MXRA5: variants seen among roughly 807,000 people sequenced by gnomAD.
The protein encoded by MXRA5 is matrix-remodeling-associated protein 5.
Under a neutral mutation model 112.5 loss-of-function variants are expected in MXRA5, and 41 were observed. That is an observed-to-expected ratio of 0.36 (90% CI 0.28 to 0.47). The LOEUF (loss-of-function observed/expected upper bound fraction) is 0.47, where lower values mean the gene tolerates loss of function less well. Among genes scored for constraint, MXRA5 ranks in the 20% least tolerant of loss-of-function variants. The pLI is 0.99. For synonymous variants in MXRA5, 862 were observed against 900.8 expected (o/e 0.96, Z 0.77); for missense variants, 2,150 against 2,251.0 (o/e 0.96, Z 0.91).
chrX:3,339,763 C>T (rs774627324), intron 2 of MXRA5, among the ~76,000 whole-genome samples: 1 of 111,903 alleles, frequency 8.9e-6, no homozygotes, highest in South Asian at 3.7e-4. Context: ...GAAATTAGCA[C>T]GACACTCAGG....
rs375216440 is a variant in MXRA5 at position 3,320,211 on chromosome X, G to A, written c.5474C>T (p.Ser1825Phe). ...GCTGCTCTGGTGGAAGCTTCCTGAG[G>A]ACTGGACAGAAGATGTTATAAAGGA... ...SISFITSSVQ[S>F]SGSFHQSSSK... The change falls in exon 5 of 7, where the codon TCC (serine) becomes TTC (phenylalanine). Residue 1825 changes from serine to phenylalanine, a missense_variant. Around this residue, in one of 6 missense-constraint regions of MXRA5, gnomAD observed 1,485 missense variants for 1,471.6 expected, o/e 1.01. Transcript: ENST00000217939. 178 of 1,209,091 alleles carry A rather than the reference G, an allele frequency of 1.5e-4. 1 individual carries two copies. Among genetic ancestry groups the A allele is most frequent in the Non-Finnish European group, 2.0e-4 (175 of 894,995 alleles).
chrX:3,332,207 A>G (rs1921679084), intron 2 of MXRA5, among the ~76,000 whole-genome samples: 1 of 111,752 alleles, frequency 8.9e-6, no homozygotes, highest in Admixed American at 9.4e-5. Context: ...CCTTGATTGC[A>G]TCAAACTTTT....
Position 3,317,741 on chromosome X carries a change from G to A in MXRA5, c.5940C>T (p.Pro1980=), listed in dbSNP as rs372831833. 2.5e-6 allele frequency: 3 copies of A among 1,205,635 alleles called. No individual in the cohort carries two copies. The African/African-American group carries it at 5.3e-5, about 21-fold the overall frequency. ...MECLAKGTPA[P]QISWIFPDRR... The stretch of plus-strand genomic sequence containing the variant: ...TGTCAGGGAAGATCCAGGAAATTTG[G>A]GGGGCTGGGGTCCCTTTGGCCAGAC... Residue 1980 remains proline, a synonymous_variant, in exon 6 of 7, where the codon CCC becomes CCT. Coordinates refer to ENST00000217939, the MANE Select transcript of MXRA5 (RefSeq NM_015419.4).
At chrX:3,338,859 A>T (rs1404552943) in intron 2 of MXRA5, among the ~76,000 whole-genome samples, 3 of 110,456 alleles carry the variant, frequency 2.7e-5, no homozygotes, top group Non-Finnish European at 5.7e-5. Flanking sequence ...AGGTAGATAG[A>T]TATAGACAGG....
chrX:3,340,895 T>G (rs1569188208), intron 2 of MXRA5, among the ~76,000 whole-genome samples: 1 of 97,075 alleles, frequency 1.0e-5, no homozygotes, highest in Non-Finnish European at 2.0e-5. Flanking sequence ...TCCAGCCTGA[T>G]ATCCCCCTTC....
chrX:3,317,962 C>A lies in MXRA5; in HGVS notation c.5719G>T (p.Val1907Phe). 1.7e-6 allele frequency: 2 copies of A among 1,207,004 alleles called. No homozygotes were observed. The highest frequency in any genetic ancestry group is 1.1e-6 in the Non-Finnish European group (1 of 892,986). The part of the protein sequence containing the change: ...TPNTRIQRFE[V>F]LKNGTLVIRK... ...ATCACTAAGGTACCGTTCTTGAGAA[C>A]CTCAAACCGTTGTATCCTGGTATTC... is the stretch of plus-strand genomic sequence containing the variant. The change falls in exon 6 of 7, where the codon GTT becomes TTT. Residue 1907 changes from valine to phenylalanine, a missense_variant. Physicochemically the swap from Val to Phe is conservative, Grantham distance 50. Around this residue, in one of 6 missense-constraint regions of MXRA5, gnomAD observed 1,485 missense variants for 1,471.6 expected, o/e 1.01. Transcript: ENST00000217939.
Position 3,317,976 on chromosome X carries a change from A to G in MXRA5, c.5705T>C (p.Ile1902Thr). 2 of 1,199,977 alleles carry G rather than the reference A, an allele frequency of 1.7e-6. No homozygotes were observed. Among genetic ancestry groups the G allele is most frequent in the Non-Finnish European group, 2.3e-6 (2 of 888,387 alleles). ...TGALMTPNTR[I>T]QRFEVLKNGT... is the part of the protein sequence containing the mutation. ...GTTCTTGAGAACCTCAAACCGTTGT[A>G]TCCTGGTATTCGGAGTCATAAGAGC... Residue 1902 changes from isoleucine to threonine, a missense_variant, in exon 6 of 7, where the codon ATA becomes ACA. Transcript: ENST00000217939.
At chrX:3,340,425 T>C (rs1322050586) in intron 2 of MXRA5, among the ~76,000 whole-genome samples, 3 of 112,227 alleles carry the variant, frequency 2.7e-5, no homozygotes, top group Non-Finnish European at 3.8e-5. Flanking sequence ...ATGATATTAT[T>C]AGTGATTTTT....
chrX:3,325,330 T>C (rs1250109049), intron 4 of MXRA5, among the ~76,000 whole-genome samples: 8 of 110,569 alleles, frequency 7.2e-5, no homozygotes, highest in Non-Finnish European at 7.5e-5. Context: ...GGAGAATCTA[T>C]ATAAATATAC....
chrX:3,310,522 T>C lies in MXRA5; in HGVS notation c.7681A>G (p.Ser2561Gly). ...KITAMAGHTI[S>G]LNCSAAGTPT... ...GTCCCCGCGGCAGAGCAGTTGAGGC[T>C]GATGGTGTGGCCCGCCATGGCCGTG... Residue 2561 changes from serine (S) to glycine (G), a missense_variant, in exon 7 of 7, where the codon AGC (serine) becomes GGC (glycine). Around this residue, in one of 6 missense-constraint regions of MXRA5, gnomAD observed 93 missense variants for 135.5 expected, o/e 0.69. Transcript: ENST00000217939. The C allele has an allele frequency of 1.7e-6, 2 of 1,198,394 alleles. No homozygotes were observed. The highest frequency in any genetic ancestry group is 2.2e-6 in the Non-Finnish European group (2 of 889,792).
chrX:3,314,866 A>G (rs766157041), intron 6 of MXRA5, among the ~76,000 whole-genome samples: 7 of 103,541 alleles, frequency 6.8e-5, no homozygotes, highest in Non-Finnish European at 1.4e-4. Flanking sequence ...CAACTGCCAT[A>G]GACAGGTAGG....
intron 2 of MXRA5, among the ~76,000 whole-genome samples, chrX:3,338,426 TGATA>T (rs1460436263): frequency 9.0e-6 from 1 of 110,567 alleles, no homozygotes; most frequent in African/African-American, 3.3e-5. Context: ...GCCAGACAGA[TGATA>T]GATAGGTACA....
At position 3,323,812 on chromosome X, in the gene MXRA5, T is replaced by C; in HGVS notation, c.1873A>G (p.Thr625Ala). 3.3e-6 allele frequency: 4 copies of C among 1,211,541 alleles called. No individual in the cohort carries two copies. Among genetic ancestry groups the C allele is most frequent in the Non-Finnish European group, 4.5e-6 (4 of 895,278 alleles). The change falls in exon 5 of 7, where the codon ACA becomes GCA. Residue 625 changes from threonine (T) to alanine (A), a missense_variant. By Grantham distance (58) the Thr-to-Ala change is moderately conservative. Coordinates refer to ENST00000217939, the MANE Select transcript of MXRA5 (RefSeq NM_015419.4). The part of the protein sequence containing the change: ...NRRIINDLAN[T>A]SHVYMLPNGT... ...TTTGGCAACATGTATACATGTGATG[T>C]GTTAGCCAAATCATTAATTATCCTT...
rs778561252 is a variant in MXRA5 at position 3,317,223 on chromosome X, G to T, written c.6458C>A (p.Pro2153Gln). ...TCCGTACCTGACGTCCGTCCTCCGCGGGGAGGTGCCCGTGATGCGCGCGTT... is the reference window on the plus strand; with the variant it reads ...TCCGTACCTGACGTCCGTCCTCCGCTGGGAGGTGCCCGTGATGCGCGCGTT... ...AANARITGTSPRRTDVRYGGT... is the reference protein window; with the variant it reads ...AANARITGTSQRRTDVRYGGT... The change falls in exon 6 of 7, where the codon CCG becomes CAG. Residue 2153 changes from proline to glutamine, a missense_variant. Pro to Gln is a moderately conservative substitution (Grantham distance 76). This residue lies in a region of MXRA5 where 1,485 missense variants were observed against 1,471.6 expected (regional missense o/e 1.01). Coordinates refer to ENST00000217939, the MANE Select transcript of MXRA5 (RefSeq NM_015419.4). The T allele has an allele frequency of 8.3e-7, 1 of 1,211,136 alleles. No homozygotes were observed. The highest frequency in any genetic ancestry group is 3.0e-5 in the East Asian group (1 of 33,813).
Position 3,311,516 on chromosome X carries a change from A to G in MXRA5, c.6687T>C (p.Asp2229=), listed in dbSNP as rs762978623. 8.3e-7 allele frequency: 1 copy of G among 1,211,924 alleles called. No homozygotes were observed. The highest frequency in any genetic ancestry group is 1.8e-5 in the South Asian group (1 of 56,989). Residue 2229 remains aspartate (D), a synonymous_variant, in exon 7 of 7, where the codon GAT becomes GAC. Transcript: ENST00000217939. ...YLCVARNKVG[D]DYVVLKVDVV... is the part of the protein sequence containing the mutation. ...CATCCACTTTGAGCACCACGTAGTC[A>G]TCACCAACCTTATTTCGAGCTACGC...
intron 1 of MXRA5, among the ~76,000 whole-genome samples, chrX:3,345,508 C>T (rs949651249): frequency 8.9e-5 from 10 of 112,917 alleles, no homozygotes; most frequent in Non-Finnish European, 1.5e-4. Context: ...CCCGGGCGTT[C>T]CATAGGACTC....
At chrX:3,334,362 A>G (rs1283627955) in intron 2 of MXRA5, among the ~76,000 whole-genome samples, 2 of 111,586 alleles carry the variant, frequency 1.8e-5, no homozygotes, top group African/African-American at 3.3e-5. Flanking sequence ...TTGGAAGCTC[A>G]AACTCTTCAT....
chrX:3,322,041 T>C lies in MXRA5; in HGVS notation c.3644A>G (p.Gln1215Arg), dbSNP rs752655073. ...WVDNTVNTPK[Q>R]LEMEKNAEPT... is the part of the protein sequence containing the mutation. ...TTCTGCATTCTTCTCCATTTCCAAC[T>C]GTTTGGGGGTATTAACTGTGTTATC... The change falls in exon 5 of 7, where the codon CAG becomes CGG. Residue 1215 changes from glutamine (Q) to arginine (R), a missense_variant. Gln to Arg is a conservative substitution (Grantham distance 43). Transcript: ENST00000217939. The C allele has an allele frequency of 7.4e-6, 9 of 1,209,390 alleles. No individual in the cohort carries two copies. The African/African-American group carries it at 1.6e-4, about 21-fold the overall frequency.
In MXRA5 at chrX:3,323,242, G is replaced by A. The variant is rs1192217848; in HGVS notation, c.2443C>T (p.Leu815=). ...GCAGGAAAAGGTGGTGTGACTTCTA[G>A]ACTCAAGGATGGAGGACTTGTGGTT... ...IKTTSPPSLS[L]EVTPPFPAIS... The change falls in exon 5 of 7, where the codon CTA becomes TTA. Residue 815 remains leucine, a synonymous_variant. Transcript: ENST00000217939. 1.7e-6 allele frequency: 2 copies of A among 1,209,115 alleles called. No homozygotes were observed. Among genetic ancestry groups the A allele is most frequent in the African/African-American group, 3.5e-5 (2 of 56,912 alleles).
Sources: gnomAD v4.1 joint callset for allele counts (sites outside exome capture counted in the v4.1 genomes callset) on GRCh38, gnomAD v4.1.1 for gene constraint, gnomAD v4.1.1 regional missense constraint, MANE v1.5 for transcripts, NCBI Gene and HGNC (gene_info 2026-07-23, HGNC 2026-07-21) for gene names.